The following POLR3E variants were observed in gnomAD, a reference collection of about 807,000 sequenced individuals.
The protein encoded by POLR3E is DNA-directed RNA polymerase III subunit RPC5.
POLR3E carries 41 observed loss-of-function variants against 96.6 expected under a neutral mutation model. That is an observed-to-expected ratio of 0.42 (90% confidence interval 0.33 to 0.55). The LOEUF (loss-of-function observed/expected upper bound fraction) is 0.55, where lower values mean the gene tolerates loss of function less well. POLR3E is among the 20% of genes least tolerant of loss of function. POLR3E has a pLI of 0.06. For synonymous variants in POLR3E, 396 were observed against 383.6 expected, an observed-to-expected ratio of 1.03 and a Z score of -0.38; for missense variants, 849 against 952.1, an observed-to-expected ratio of 0.89 and a Z score of 1.43.
chr16:22,324,332 T>C (rs2048531814), intron 14 of POLR3E, 22 bp from the exon 15 acceptor site: 8 of 1,609,320 alleles, frequency 5.0e-6, no homozygotes, highest in Non-Finnish European at 6.8e-6. Flanking sequence ...GCCCCTGGAA[T>C]GTGCTGCTTC....
At chr16:22,325,287 T>G in intron 17 of POLR3E, 21 bp downstream of exon 17, 10 of 1,599,958 alleles carry the variant, frequency 6.3e-6, no homozygotes, top group Non-Finnish European at 8.6e-6. Context: ...GGCTTTGGGC[T>G]GGGAGGCCCC....
intron 1 of POLR3E, among the ~76,000 whole-genome samples, chr16:22,298,500 G>A (rs754172560): frequency 1.3e-5 from 2 of 152,208 alleles, no homozygotes; most frequent in African/African-American, 4.8e-5. Flanking sequence ...GATGAAAATA[G>A]GGAGGAATAC....
chr16:22,313,591 T>G lies in POLR3E; in HGVS notation c.365-29T>G. On this transcript the variant is annotated intron_variant, in intron 6 of 20. Transcript: ENST00000299853. The surrounding 1 kb of genome is among the most constrained non-coding windows in gnomAD (Gnocchi z 4.1). ...AGCCAAACTGGGTGGGTTTCTAGAG[T>G]TGAGTCCAAGCCCTTCTTCCTCCGC... 2 of 1,512,272 alleles carry G rather than the reference T, an allele frequency of 1.3e-6. No homozygotes were observed. The highest frequency in any genetic ancestry group is 2.3e-5 in the South Asian group (2 of 88,874). 93.7% of individuals were successfully genotyped at this position (1,512,272 alleles called of 1,614,324 possible).
intron 13 of POLR3E, among the ~76,000 whole-genome samples, chr16:22,321,279 C>T (rs936411081): frequency 2.6e-5 from 4 of 152,212 alleles, no homozygotes; most frequent in Non-Finnish European, 4.4e-5. Context: ...GCATTAATAA[C>T]TCACTTTTTA....
Position 22,297,503 on chromosome 16 carries a change from C to T in POLR3E, c.-73C>T, listed in dbSNP as rs1417529595. 2 of 152,456 alleles carry T rather than the reference C, an allele frequency of 1.3e-5. No individual in the cohort carries two copies. Among genetic ancestry groups the T allele is most frequent in the East Asian group, 3.8e-4 (2 of 5,206 alleles). 9.4% of individuals were successfully genotyped at this position (152,456 alleles called of 1,614,324 possible). A position where few individuals can be genotyped will look rare whatever the true frequency, so the allele number is the denominator to read the frequency against. On this transcript the variant is annotated 5_prime_UTR_variant, in exon 1 of 21. Transcript: ENST00000299853. ...CTCTGCAGCCCGCGGGTAACTGGGCCGTTGCCGCCGTCCGCGCTCGGCCCC... is the reference window on the plus strand; with the variant it reads ...CTCTGCAGCCCGCGGGTAACTGGGCTGTTGCCGCCGTCCGCGCTCGGCCCC...
At chr16:22,298,999 A>G (rs1478540075) in intron 1 of POLR3E, 1 of 455,912 alleles carries the variant, frequency 2.2e-6, no homozygotes, top group African/African-American at 2.0e-5. Flanking sequence ...CTTACGTTCT[A>G]TTGCAGAAGA....
At chr16:22,319,016 C>T in intron 13 of POLR3E, 70 bp downstream of exon 13, 1 of 1,237,032 alleles carries the variant, frequency 8.1e-7, no homozygotes, top group Admixed American at 2.1e-5. Context: ...CTCTTGTTGC[C>T]CAGGCTGGTG....
At chr16:22,320,563 G>A (rs865923851) in intron 13 of POLR3E, among the ~76,000 whole-genome samples, 2 of 152,192 alleles carry the variant, frequency 1.3e-5, no homozygotes, top group Middle Eastern at 3.4e-3. Flanking sequence ...GCCCGGCCTG[G>A]TGTATTTTAA....
intron 3 of POLR3E, among the ~76,000 whole-genome samples, chr16:22,306,357 C>T (rs1316911950): frequency 6.6e-6 from 1 of 152,186 alleles, no homozygotes; most frequent in African/African-American, 2.4e-5. Context: ...CTCCCAGGCT[C>T]AAGTGATTCT....
At chr16:22,307,390 G>A (rs1014157118) in intron 3 of POLR3E, among the ~76,000 whole-genome samples, 7 of 152,262 alleles carry the variant, frequency 4.6e-5, no homozygotes, top group Admixed American at 2.0e-4. Flanking sequence ...ATCTGAAAGG[G>A]CCTATTTTCC....
At chr16:22,306,413 C>T (rs2048134153) in intron 3 of POLR3E, among the ~76,000 whole-genome samples, 1 of 152,134 alleles carries the variant, frequency 6.6e-6, no homozygotes, top group African/African-American at 2.4e-5. Flanking sequence ...GCGCCACAAG[C>T]CCGGCTAATT....
At chr16:22,314,011 G>C in intron 7 of POLR3E, 68 bp from the exon 8 acceptor site, 1 of 1,381,430 alleles carries the variant, frequency 7.2e-7, no homozygotes, top group Non-Finnish European at 1.0e-6. Context: ...CTTCCCTGGC[G>C]GGTGGGGTTG....
chr16:22,333,619 T>G, intron 20 of POLR3E, 25 bp from the exon 21 acceptor site: 1 of 1,576,412 alleles, frequency 6.3e-7, no homozygotes, highest in Non-Finnish European at 8.7e-7. Context: ...CAAAAATCTG[T>G]GCTTACCCTG....
chr16:22,312,905 G>A (rs2048278164), intron 6 of POLR3E, among the ~76,000 whole-genome samples: 2 of 141,178 alleles, frequency 1.4e-5, no homozygotes, highest in South Asian at 2.2e-4. Flanking sequence ...AAACAGTAAA[G>A]TGCTTAAGTA....
chr16:22,310,769 A>C (rs2048230112), intron 6 of POLR3E, among the ~76,000 whole-genome samples: 1 of 152,088 alleles, frequency 6.6e-6, no homozygotes, highest in African/African-American at 2.4e-5. Context: ...CAAAAAATAC[A>C]AACATTAGCT....
intron 2 of POLR3E, among the ~76,000 whole-genome samples, chr16:22,303,647 T>C (rs2048073084): frequency 1.4e-5 from 2 of 143,742 alleles, no homozygotes; most frequent in South Asian, 4.3e-4. Flanking sequence ...CCCTTTTTTT[T>C]TTTTTTTTTT....
intron 19 of POLR3E, 166 bp downstream of exon 19, chr16:22,328,753 C>T: frequency 1.6e-6 from 1 of 625,438 alleles, no homozygotes; most frequent in Non-Finnish European, 2.9e-6. Context: ...ACAAAATAAG[C>T]TGTATGTGCC....
rs947796262 is a variant in POLR3E at position 22,332,105 on chromosome 16, C to T, written c.1990C>T (p.Arg664Cys). ...LEIFSKNYRV[R>C]RNMIQSRLTQ... ...AATTTTTTCCAAAAATTACCGGGTA[C>T]GCCGAAACATGATCCAGTCTCGGTT... The change falls in exon 20 of 21, where the codon CGC becomes TGC. Residue 664 changes from arginine (R) to cysteine (C), a missense_variant. By Grantham distance (180) the Arg-to-Cys change is radical. Transcript: ENST00000299853. 6.8e-6 allele frequency: 11 copies of T among 1,613,288 alleles called. No homozygotes were observed. Among genetic ancestry groups the T allele is most frequent in the African/African-American group, 2.7e-5 (2 of 74,864 alleles).
chr16:22,320,450 C>A lies in POLR3E; in HGVS notation c.986+1504C>A, dbSNP rs777820164. Among the ~76,000 whole-genome samples the A allele has an allele frequency of 7.2e-5, 11 of 151,988 alleles. 1 individual carries two copies. Among genetic ancestry groups the A allele is most frequent in the Non-Finnish European group, 1.3e-4 (9 of 67,996 alleles). Reference sequence around the variant, plus strand: ...CTAATTTTTGTATTTTTAGAAGAGGCAGGGTTTTGCTGTGTTGGCCAGCTG... The same window carrying A: ...CTAATTTTTGTATTTTTAGAAGAGGAAGGGTTTTGCTGTGTTGGCCAGCTG... On this transcript the variant is annotated intron_variant, in intron 13 of 20. Coordinates refer to ENST00000299853, the MANE Select transcript of POLR3E (RefSeq NM_018119.4).
Sources: allele counts gnomAD v4.1 joint callset (sites outside exome capture counted in the v4.1 genomes callset), GRCh38; gene constraint gnomAD v4.1.1; non-coding constraint Gnocchi (gnomAD v3.1); transcripts MANE v1.5; gene names NCBI Gene and HGNC (gene_info 2026-07-23, HGNC 2026-07-21).